Variants in CHST9 observed in about 807,000 individuals in gnomAD.
CHST9 encodes the protein GalNAc-4-sulfotransferase 2.
CHST9 carries 41 observed loss-of-function variants against 44.4 expected under a neutral mutation model. The ratio of observed to expected loss-of-function variants is 0.92; its 90% confidence interval spans 0.72 to 1.20. The LOEUF (loss-of-function observed/expected upper bound fraction) is 1.20, where lower values mean the gene tolerates loss of function less well. Among genes scored for constraint, CHST9 ranks in the 50% most tolerant of loss-of-function variants. The pLI is 0.00. For synonymous variants in CHST9, 171 were observed against 178.4 expected (o/e 0.96, Z 0.33); for missense variants, 504 against 516.5 (o/e 0.98, Z 0.23).
rs1244049221 is a variant in CHST9 at position 26,917,198 on chromosome 18, C to A, written c.393G>T (p.Lys131Asn). 2 of 1,613,932 alleles carry A rather than the reference C, an allele frequency of 1.2e-6. No homozygotes were observed. Among genetic ancestry groups the A allele is most frequent in the Non-Finnish European group, 8.5e-7 (1 of 1,179,858 alleles). The change falls in exon 6 of 6, where the codon AAG becomes AAT. Residue 131 changes from lysine to asparagine, a missense_variant. Physicochemically the swap from Lys to Asn is moderately conservative, Grantham distance 94. Transcript: ENST00000618847. The part of the protein sequence containing the change: ...LSKSTGSPTE[K>N]LIEKRQGAKT... ...TAGCTCCTTGACGTTTTTCAATCAA[C>A]TTCTCTGTTGGTGACCCTGTGGACT...
chr18:27,068,151 AAG>A (rs2057801596), intron 2 of CHST9, among the ~76,000 whole-genome samples: 2 of 152,152 alleles, frequency 1.3e-5, no homozygotes, highest in Admixed American at 1.3e-4. Flanking sequence ...AAGAGGAATA[AAG>A]AGAGATAGAG....
At chr18:26,949,213 G>A (rs894389862) in intron 4 of CHST9, among the ~76,000 whole-genome samples, 1 of 152,182 alleles carries the variant, frequency 6.6e-6, no homozygotes, top group Non-Finnish European at 1.5e-5. Context: ...GAATGGGAAG[G>A]GAGGGACGCC....
intron 3 of CHST9, among the ~76,000 whole-genome samples, chr18:27,045,196 T>C (rs1456273694): frequency 2.0e-5 from 3 of 152,068 alleles, no homozygotes; most frequent in Admixed American, 1.3e-4. Context: ...ACTAGGGCTA[T>C]TCTTTCCATT....
intron 4 of CHST9, among the ~76,000 whole-genome samples, chr18:26,981,605 G>A (rs12956819): frequency 9.9e-5 from 15 of 152,148 alleles, no homozygotes; most frequent in Non-Finnish European, 1.3e-4. Context: ...CCAACCCTCA[G>A]GGCTTGCCTC....
At chr18:27,127,148 G>C (rs2058431277) in intron 2 of CHST9, among the ~76,000 whole-genome samples, 1 of 152,140 alleles carries the variant, frequency 6.6e-6, no homozygotes, top group Non-Finnish European at 1.5e-5. Flanking sequence ...GGAACAAATG[G>C]CACTACAGAG....
chr18:27,147,564 C>G (rs1400984914), intron 1 of CHST9: 3 of 152,240 alleles, frequency 2.0e-5, no homozygotes, highest in South Asian at 2.1e-4. Flanking sequence ...CTGAGTAAAC[C>G]GAGACCAGCA....
At chr18:27,131,190 A>ACT (rs1268294447) in intron 2 of CHST9, among the ~76,000 whole-genome samples, 1 of 152,160 alleles carries the variant, frequency 6.6e-6, no homozygotes, top group Non-Finnish European at 1.5e-5. Context: ...CTTAAAATAA[A>ACT]ATCCTACGTT....
At chr18:27,159,297 G>A (rs1195941289) in intron 1 of CHST9, among the ~76,000 whole-genome samples, 3 of 152,172 alleles carry the variant, frequency 2.0e-5, no homozygotes, top group Non-Finnish European at 4.4e-5. Context: ...AAGGTATAAG[G>A]AAGGGATCCA....
intron 2 of CHST9, among the ~76,000 whole-genome samples, chr18:27,123,322 G>A (rs2058391206): frequency 6.6e-6 from 1 of 152,070 alleles, no homozygotes; most frequent in African/African-American, 2.4e-5. Flanking sequence ...CAAAAGTAGT[G>A]CCAATTCAGA....
chr18:27,068,863 G>A (rs1295437412), intron 2 of CHST9, among the ~76,000 whole-genome samples: 4 of 152,238 alleles, frequency 2.6e-5, no homozygotes, highest in Admixed American at 6.5e-5. Context: ...CTCTTCAAAC[G>A]TGATGTAAGA....
chr18:27,011,354 A>T (rs2057082003), intron 4 of CHST9, among the ~76,000 whole-genome samples: 1 of 152,196 alleles, frequency 6.6e-6, no homozygotes, highest in Non-Finnish European at 1.5e-5. Context: ...AGTTCATAGA[A>T]TCAGGCACAC....
intron 1 of CHST9, among the ~76,000 whole-genome samples, chr18:27,149,459 T>C (rs1392984087): frequency 2.0e-5 from 3 of 152,182 alleles, no homozygotes; most frequent in Admixed American, 1.3e-4. Flanking sequence ...GGCGTTTAGG[T>C]CAATTCCATG....
chr18:27,168,718 A>G (rs1402434602), intron 1 of CHST9, among the ~76,000 whole-genome samples: 1 of 152,222 alleles, frequency 6.6e-6, no homozygotes, highest in Non-Finnish European at 1.5e-5. Context: ...AGAAACCTCA[A>G]TAGTCCTCTA....
chr18:26,938,250 G>T (rs1221454254), intron 5 of CHST9, among the ~76,000 whole-genome samples: 1 of 152,184 alleles, frequency 6.6e-6, no homozygotes, highest in African/African-American at 2.4e-5. Context: ...TTACACTTAA[G>T]TATTTTCTAG....
chr18:27,018,046 A>C (rs1049343582), intron 4 of CHST9, among the ~76,000 whole-genome samples: 3 of 152,192 alleles, frequency 2.0e-5, no homozygotes, highest in Non-Finnish European at 4.4e-5. Context: ...CCTTGTCCAG[A>C]ATCAAGATTA....
chr18:27,104,223 A>G (rs919494567), intron 2 of CHST9, among the ~76,000 whole-genome samples: 20 of 149,820 alleles, frequency 1.3e-4, no homozygotes, highest in African/African-American at 5.1e-4. Flanking sequence ...CTTATCTTAT[A>G]AATTGCAACA....
Position 26,917,093 on chromosome 18 carries a change from A to C in CHST9, c.498T>G (p.Asn166Lys), listed in dbSNP as rs370642969. The C allele has an allele frequency of 3.1e-6, 5 of 1,613,770 alleles. No individual in the cohort carries two copies. Among genetic ancestry groups the C allele is most frequent in the Non-Finnish European group, 4.2e-6 (5 of 1,179,872 alleles). The change falls in exon 6 of 6, where the codon AAT (asparagine) becomes AAG (lysine). Residue 166 changes from asparagine (N) to lysine (K), a missense_variant. Transcript: ENST00000618847. ...HPLNKSLVKD[N>K]KWKKTEETQE... ...GGGTCTCCTCAGTTTTCTTCCATTT[A>C]TTATCTTTGACTAAACTTTTGTTTA...
intron 4 of CHST9, among the ~76,000 whole-genome samples, chr18:26,978,858 A>G (rs148130843): frequency 2.4e-3 from 360 of 152,308 alleles, no homozygotes; most frequent in Middle Eastern, 3.4e-3. Flanking sequence ...GGCAGACTTG[A>G]TGCCTGGCTC....
chr18:27,105,926 G>A (rs2058217336), intron 2 of CHST9, among the ~76,000 whole-genome samples: 3 of 152,050 alleles, frequency 2.0e-5, no homozygotes, highest in Non-Finnish European at 4.4e-5. Flanking sequence ...GGAAAAACAT[G>A]TATCAATTAA....
Sources: allele counts gnomAD v4.1 joint callset (sites outside exome capture counted in the v4.1 genomes callset), GRCh38; gene constraint gnomAD v4.1.1; transcripts MANE v1.5; gene names NCBI Gene and HGNC (gene_info 2026-07-23, HGNC 2026-07-21).